FAM13A: variants seen among roughly 807,000 people sequenced by gnomAD.
The protein encoded by FAM13A is family with sequence similarity 13 member A, also known as protein FAM13A.
In FAM13A, 76 loss-of-function variants were observed where a neutral mutation model predicts 129.6. That is an observed-to-expected ratio of 0.59 (90% confidence interval 0.49 to 0.71). The LOEUF is 0.71. Ranked by LOEUF, FAM13A falls within the 30% of genes least tolerant of loss-of-function variation. The pLI is 0.00. For missense variants in FAM13A, 1,108 were observed against 1,249.3 expected, an observed-to-expected ratio of 0.89 and a Z score of 1.70; for synonymous variants, 443 against 449.9, an observed-to-expected ratio of 0.98 and a Z score of 0.20.
chr4:88,977,343 A>C (rs1394347773), intron 4 of FAM13A, among the ~76,000 whole-genome samples: 3 of 152,204 alleles, frequency 2.0e-5, no homozygotes, highest in African/African-American at 4.8e-5. Flanking sequence ...AAAGAGATGA[A>C]GCCATAGAAA....
chr4:88,767,498 C>A (rs1264167376), intron 13 of FAM13A, 55 bp downstream of exon 13: 1 of 1,337,658 alleles, frequency 7.5e-7, no homozygotes, highest in Non-Finnish European at 1.0e-6. Flanking sequence ...GAAGTACACT[C>A]AAGAGTGTAT....
intron 8 of FAM13A, among the ~76,000 whole-genome samples, chr4:88,792,126 C>A (rs1725302816): frequency 6.6e-6 from 1 of 152,018 alleles, no homozygotes; most frequent in African/African-American, 2.4e-5. Flanking sequence ...TGAGTACTTA[C>A]TATGTTCCAG....
chr4:88,986,134 C>G (rs1389151334), intron 4 of FAM13A, among the ~76,000 whole-genome samples: 1 of 151,172 alleles, frequency 6.6e-6, no homozygotes, highest in East Asian at 1.9e-4. Context: ...ACATAATTTT[C>G]ACTTTTTTTT....
intron 4 of FAM13A, among the ~76,000 whole-genome samples, chr4:88,979,791 T>C (rs955987447): frequency 6.6e-5 from 10 of 152,036 alleles, no homozygotes; most frequent in African/African-American, 2.4e-4. Flanking sequence ...ACCAACATGG[T>C]GAAACCCCGT....
chr4:88,898,653 T>A (rs1746747559), intron 6 of FAM13A, among the ~76,000 whole-genome samples: 1 of 151,998 alleles, frequency 6.6e-6, no homozygotes, highest in African/African-American at 2.4e-5. Flanking sequence ...AAAACAGAGT[T>A]TTAAAAAATT....
intron 6 of FAM13A, among the ~76,000 whole-genome samples, chr4:88,876,661 G>A (rs1192499985): frequency 2.0e-5 from 3 of 151,720 alleles, no homozygotes; most frequent in African/African-American, 4.8e-5. Flanking sequence ...GCTCAATCTC[G>A]GCTCACTGCA....
intron 5 of FAM13A, among the ~76,000 whole-genome samples, chr4:88,924,381 G>A: frequency 6.6e-6 from 1 of 152,054 alleles, no homozygotes; most frequent in Non-Finnish European, 1.5e-5. Flanking sequence ...ACAGAACAGA[G>A]CCCTCAGAAA....
chr4:88,884,778 T>G (rs151144180), intron 6 of FAM13A, among the ~76,000 whole-genome samples: 18 of 152,264 alleles, frequency 1.2e-4, no homozygotes, highest in African/African-American at 4.1e-4. Flanking sequence ...CTCCTAGAAC[T>G]GATAAATGAA....
intron 4 of FAM13A, among the ~76,000 whole-genome samples, chr4:88,986,684 T>C (rs1167483916): frequency 6.6e-6 from 1 of 152,230 alleles, no homozygotes; most frequent in Admixed American, 6.5e-5. Context: ...TTTATTTATA[T>C]CTATACATAA....
chr4:88,864,277 T>C (rs1740007650), intron 6 of FAM13A, among the ~76,000 whole-genome samples: 1 of 152,186 alleles, frequency 6.6e-6, no homozygotes. Flanking sequence ...TTTACAAGAT[T>C]AGTGTTTGAT....
chr4:88,735,111 G>A (rs1738712185), intron 21 of FAM13A, among the ~76,000 whole-genome samples: 1 of 152,158 alleles, frequency 6.6e-6, no homozygotes, highest in African/African-American at 2.4e-5. Flanking sequence ...TTGTCACAGG[G>A]TGTGGGGTGG....
chr4:88,767,865 G>C (rs772548272), intron 12 of FAM13A, 118 bp downstream of exon 12: 50 of 677,958 alleles, frequency 7.4e-5, no homozygotes, highest in Non-Finnish European at 1.2e-4. Context: ...AAATATTGCT[G>C]GTAAATATAT....
At chr4:89,046,332 A>C (rs2670627) in intron 1 of FAM13A, among the ~76,000 whole-genome samples, 15,873 of 152,246 alleles carry the variant, frequency 0.1, 901 homozygotes, top group African/African-American at 0.14. Context: ...GTTGGAACAT[A>C]TTCAGGTTTT....
intron 12 of FAM13A, 77 bp from the exon 13 acceptor site, chr4:88,767,672 G>T: frequency 8.5e-7 from 1 of 1,172,694 alleles, no homozygotes; most frequent in Non-Finnish European, 1.2e-6. Flanking sequence ...CTGATATTAT[G>T]ATTTAATTTA....
intron 6 of FAM13A, among the ~76,000 whole-genome samples, chr4:88,875,998 G>A (rs994851599): frequency 5.9e-5 from 9 of 152,126 alleles, no homozygotes; most frequent in African/African-American, 1.2e-4. Flanking sequence ...CTAGGGACAC[G>A]GATGAAGCTG....
At chr4:89,040,431 AT>A (rs1422327418) in intron 1 of FAM13A, among the ~76,000 whole-genome samples, 1 of 152,190 alleles carries the variant, frequency 6.6e-6, no homozygotes, top group Non-Finnish European at 1.5e-5. Context: ...CCTCATACCA[AT>A]TTTTTGACAG....
At chr4:88,957,624 G>C (rs2148901055) in intron 4 of FAM13A, among the ~76,000 whole-genome samples, 1 of 152,334 alleles carries the variant, frequency 6.6e-6, no homozygotes, top group South Asian at 2.1e-4. Flanking sequence ...CTGGGTAACA[G>C]GCAGAGGTTG....
intron 1 of FAM13A, among the ~76,000 whole-genome samples, chr4:89,046,228 C>A (rs979826437): frequency 6.6e-6 from 1 of 150,572 alleles, no homozygotes; most frequent in African/African-American, 2.4e-5. Flanking sequence ...AAAAGACCAG[C>A]AAAAAAATTA....
intron 4 of FAM13A, among the ~76,000 whole-genome samples, chr4:88,944,235 C>G (rs1755257041): frequency 6.6e-6 from 1 of 152,116 alleles, no homozygotes; most frequent in Non-Finnish European, 1.5e-5. Context: ...GCCTATGGTT[C>G]CAGCTACCCA....
Sources: allele counts gnomAD v4.1 joint callset (sites outside exome capture counted in the v4.1 genomes callset), GRCh38; gene constraint gnomAD v4.1.1; transcripts MANE v1.5; gene names NCBI Gene and HGNC (gene_info 2026-07-23, HGNC 2026-07-21).